LRRC20: variants seen among roughly 807,000 people sequenced by gnomAD.
LRRC20 encodes leucine-rich repeat-containing protein 20.
In LRRC20, 11 loss-of-function variants were observed where a neutral mutation model predicts 14.4. That is an observed-to-expected ratio of 0.77 (90% CI 0.48 to 1.27). The LOEUF (loss-of-function observed/expected upper bound fraction) is 1.27. LRRC20 is among the 50% of genes most tolerant of loss of function. LRRC20 has a pLI of 0.00. For synonymous variants in LRRC20, 121 were observed against 107.3 expected, an observed-to-expected ratio of 1.13 and a Z score of -0.79; for missense variants, 219 against 251.2, an observed-to-expected ratio of 0.87 and a Z score of 0.87.
chr10:70,340,024 G>C (rs371952855), intron 3 of LRRC20, among the ~76,000 whole-genome samples: 8 of 152,088 alleles, frequency 5.3e-5, no homozygotes, highest in African/African-American at 1.7e-4. Flanking sequence ...GGGAGGCTGA[G>C]GCAGGAGAAT....
chr10:70,366,522 T>C (rs893982668), intron 2 of LRRC20, among the ~76,000 whole-genome samples: 1 of 152,000 alleles, frequency 6.6e-6, no homozygotes, highest in Non-Finnish European at 1.5e-5. Context: ...CTCTTAATAC[T>C]ATAAAAAAAG....
chr10:70,358,655 G>A (rs145791122), intron 2 of LRRC20, among the ~76,000 whole-genome samples: 5 of 152,144 alleles, frequency 3.3e-5, no homozygotes, highest in Admixed American at 2.6e-4. Flanking sequence ...CAAGCTCACC[G>A]ACCATGCTGA....
In LRRC20 at chr10:70,340,537, G is replaced by C. The variant is rs769962645; in HGVS notation, c.232+16C>G. 4 of 1,613,924 alleles carry C rather than the reference G, an allele frequency of 2.5e-6. No individual in the cohort carries two copies. Among genetic ancestry groups the C allele is most frequent in the Non-Finnish European group, 3.4e-6 (4 of 1,179,948 alleles). On this transcript the variant is annotated intron_variant, in intron 3 of 4. Coordinates refer to ENST00000446961, the MANE Select transcript of LRRC20 (RefSeq NM_001278212.2). The stretch of plus-strand genomic sequence containing the variant: ...AGCTGGCCATGCCCTCCTGGCTGGA[G>C]CTGACCAGGGCCTACCTCGGAGCTG...
chr10:70,370,602 G>T (rs950192057), intron 2 of LRRC20, among the ~76,000 whole-genome samples: 3 of 152,058 alleles, frequency 2.0e-5, no homozygotes, highest in African/African-American at 7.2e-5. Flanking sequence ...AATTAACCAG[G>T]TGTGGCGGCA....
At chr10:70,339,104 T>C (rs529840082) in intron 3 of LRRC20, among the ~76,000 whole-genome samples, 2 of 152,366 alleles carry the variant, frequency 1.3e-5, no homozygotes, top group South Asian at 4.1e-4. Flanking sequence ...GCTGCTTGTA[T>C]GAGGCTTGCC....
chr10:70,333,087 C>G (rs1364378311), intron 3 of LRRC20, among the ~76,000 whole-genome samples: 2 of 152,196 alleles, frequency 1.3e-5, no homozygotes, highest in African/African-American at 4.8e-5. Context: ...AATCGCAGAG[C>G]TGGGAGCAAA....
At chr10:70,324,158 G>A (rs3750763) in intron 3 of LRRC20, 128 bp from the exon 4 acceptor site, 115,463 of 788,038 alleles carry the variant, frequency 0.15, 9,132 homozygotes, top group South Asian at 0.19. Context: ...AGGCCACAGA[G>A]GGAGCCCCGC....
chr10:70,366,645 T>C (rs2137128759), intron 2 of LRRC20, among the ~76,000 whole-genome samples: 1 of 152,280 alleles, frequency 6.6e-6, no homozygotes, highest in South Asian at 2.1e-4. Flanking sequence ...TCAATCTCTT[T>C]GGAAAAGAGT....
chr10:70,323,268 C>T (rs867026659), intron 4 of LRRC20, among the ~76,000 whole-genome samples: 2 of 152,064 alleles, frequency 1.3e-5, no homozygotes, highest in Admixed American at 6.5e-5. Context: ...GACACATAAT[C>T]GCTGCAAGAG....
chr10:70,363,585 C>T (rs992168494), intron 2 of LRRC20, among the ~76,000 whole-genome samples: 2 of 152,178 alleles, frequency 1.3e-5, no homozygotes, highest in African/African-American at 2.4e-5. Context: ...TGTTGCTAAA[C>T]ATCTTACCAA....
At position 70,382,567 on chromosome 10, in the gene LRRC20, C is replaced by T. The variant is rs1253829038; in HGVS notation, c.-82G>A. On this transcript the variant is annotated 5_prime_UTR_variant, in exon 1 of 5. Coordinates refer to ENST00000446961, the MANE Select transcript of LRRC20 (RefSeq NM_001278212.2). ...CACTTACGGCGACAATGCCTCCTAG[C>T]GCCCTGCGCAGCGCAGTCACGCTCC... is the stretch of plus-strand genomic sequence containing the variant. 2 of 151,972 alleles carry T rather than the reference C, an allele frequency of 1.3e-5. No individual in the cohort carries two copies. The highest frequency in any genetic ancestry group is 2.9e-5 in the Non-Finnish European group (2 of 67,946). The allele number at this position is 151,972 out of a possible 1,614,324, so 9.4% of individuals were successfully genotyped here. A position where few individuals can be genotyped will look rare whatever the true frequency, so the allele number is the denominator to read the frequency against.
chr10:70,374,672 T>C (rs1235547746), intron 2 of LRRC20, among the ~76,000 whole-genome samples: 1 of 152,060 alleles, frequency 6.6e-6, no homozygotes. Flanking sequence ...CAGGGGTAGG[T>C]TACTCACCAC....
At chr10:70,347,131 C>A (rs115907716) in intron 2 of LRRC20, among the ~76,000 whole-genome samples, 1 of 152,136 alleles carries the variant, frequency 6.6e-6, no homozygotes, top group Non-Finnish European at 1.5e-5. Flanking sequence ...AGTGATCCAC[C>A]TGCCTCATGT....
rs188246308 is a variant in LRRC20 at position 70,359,409 on chromosome 10, C to T, written c.82+17043G>A. 1.8e-3 allele frequency among the ~76,000 whole-genome samples: 270 copies of T among 152,326 alleles called. 1 individual carries two copies. Among genetic ancestry groups the T allele is most frequent in the African/African-American group, 6.1e-3 (253 of 41,568 alleles). On this transcript the variant is annotated intron_variant, in intron 2 of 4. Transcript: ENST00000446961. ...CCGTCTGTATAAAAAATAAAGTTAA[C>T]TGGGTGTGGTGGCATGCACCTGTGG...
At chr10:70,312,329 T>G (rs1240809479) in intron 4 of LRRC20, among the ~76,000 whole-genome samples, 1 of 152,142 alleles carries the variant, frequency 6.6e-6, no homozygotes, top group Non-Finnish European at 1.5e-5. Flanking sequence ...TGTGGTAACC[T>G]GGCAGGGACA....
chr10:70,346,837 T>A (rs1353091752), intron 2 of LRRC20, among the ~76,000 whole-genome samples: 3 of 152,234 alleles, frequency 2.0e-5, no homozygotes, highest in Non-Finnish European at 4.4e-5. Context: ...TTGCCAAGTA[T>A]CTGTATACAG....
chr10:70,340,505 C>A (rs753777960), intron 3 of LRRC20, 48 bp downstream of exon 3: 1 of 1,610,150 alleles, frequency 6.2e-7, no homozygotes, highest in South Asian at 1.1e-5. Context: ...AGAGCCTGAA[C>A]GATGAGAGCT....
intron 2 of LRRC20, among the ~76,000 whole-genome samples, chr10:70,344,489 T>A (rs1047685366): frequency 1.3e-5 from 2 of 152,066 alleles, no homozygotes; most frequent in Non-Finnish European, 2.9e-5. Context: ...ATATAAAATA[T>A]AGAGAAATGA....
chr10:70,307,746 C>T (rs941045995), intron 4 of LRRC20, among the ~76,000 whole-genome samples: 5 of 152,238 alleles, frequency 3.3e-5, no homozygotes, highest in African/African-American at 7.2e-5. Flanking sequence ...AGGATACGCC[C>T]GGCTTTCCAG....
Sources: allele counts gnomAD v4.1 joint callset (sites outside exome capture counted in the v4.1 genomes callset), GRCh38; gene constraint gnomAD v4.1.1; transcripts MANE v1.5; gene names NCBI Gene and HGNC (gene_info 2026-07-23, HGNC 2026-07-21).